Variants in ERICH6B observed in about 807,000 individuals in gnomAD.
The protein encoded by ERICH6B is glutamate rich 6B, also known as glutamate-rich protein 6B.
ERICH6B carries 69 observed loss-of-function variants against 80.0 expected under a neutral mutation model. The observed-to-expected ratio is 0.86, with a 90% CI of 0.71 to 1.05. The LOEUF (loss-of-function observed/expected upper bound fraction) is 1.05. Ranked by LOEUF, ERICH6B falls within the 50% of genes least tolerant of loss-of-function variation. The probability of loss-of-function intolerance (pLI) is 0.00; values close to 1 mark genes in which losing one functional copy is unlikely to be tolerated. For synonymous variants in ERICH6B, 283 were observed against 291.9 expected (o/e 0.97, Z 0.31); for missense variants, 754 against 796.1 (o/e 0.95, Z 0.64).
chr13:45,598,220 A>AT (rs564273854), intron 2 of ERICH6B, among the ~76,000 whole-genome samples: 13 of 151,742 alleles, frequency 8.6e-5, no homozygotes, highest in Non-Finnish European at 1.8e-4. Context: ...TTTTTCTTCC[A>AT]TTAGGTGTAA....
At chr13:45,543,026 G>A (rs1873844127) in intron 14 of ERICH6B, among the ~76,000 whole-genome samples, 1 of 152,162 alleles carries the variant, frequency 6.6e-6, no homozygotes, top group East Asian at 1.9e-4. Context: ...TTCTCCATCT[G>A]CCTCATTCCC....
intron 3 of ERICH6B, among the ~76,000 whole-genome samples, chr13:45,594,606 CA>C (rs1337557789): frequency 6.6e-6 from 1 of 152,102 alleles, no homozygotes; most frequent in African/African-American, 2.4e-5. Context: ...TCCAATGCAA[CA>C]ACTAAATTTC....
At chr13:45,601,832 C>T (rs1170757855) in intron 2 of ERICH6B, among the ~76,000 whole-genome samples, 1 of 152,182 alleles carries the variant, frequency 6.6e-6, no homozygotes, top group African/African-American at 2.4e-5. Flanking sequence ...CTGGGGCAAA[C>T]ATCCTGGCTC....
chr13:45,596,655 C>T lies in ERICH6B; in HGVS notation c.351G>A (p.Gly117=), dbSNP rs377679727. 1.3e-6 allele frequency: 2 copies of T among 1,551,716 alleles called. No individual in the cohort carries two copies. The highest frequency in any genetic ancestry group is 2.4e-5 in the East Asian group (1 of 40,854). The part of the protein sequence containing the change: ...EEYIEEEEYL[G]KEGYLEEEEY... ...CTTCCTCCTCCAGATACCCTTCCTT[C>T]CCCAGATACTCTTCCTCTTCAATAT... The change falls in exon 3 of 15, where the codon GGG becomes GGA. Residue 117 remains glycine (G), a synonymous_variant. Transcript: ENST00000298738.
intron 4 of ERICH6B, among the ~76,000 whole-genome samples, chr13:45,589,256 G>T (rs1449625122): frequency 1.8e-4 from 27 of 152,034 alleles, no homozygotes; most frequent in Admixed American, 1.4e-3. Context: ...CACCAGGAAG[G>T]CCCCCCCAGG....
chr13:45,541,389 G>A lies in ERICH6B; in HGVS notation c.*73C>T, dbSNP rs1873764653. ...CTCATAAAAGGTCAACAGGTCTTTG[G>A]GTTTTTTTTCCCTGGAGCTCCCAAG... On this transcript the variant is annotated 3_prime_UTR_variant, in exon 15 of 15. Transcript: ENST00000298738. 1 of 1,340,630 alleles carries A rather than the reference G, an allele frequency of 7.5e-7. No individual in the cohort carries two copies. Among genetic ancestry groups the A allele is most frequent in the Non-Finnish European group, 1.0e-6 (1 of 971,416 alleles). The allele number at this position is 1,340,630 out of a possible 1,614,324, so 83.0% of individuals were successfully genotyped here. A position where few individuals can be genotyped will look rare whatever the true frequency, so the allele number is the denominator to read the frequency against.
chr13:45,551,439 C>G (rs1169029385), intron 11 of ERICH6B: 1 of 152,118 alleles, frequency 6.6e-6, no homozygotes, highest in Non-Finnish European at 1.5e-5. Context: ...CCTACTCCTC[C>G]TTCACATCCT....
chr13:45,545,239 C>G (rs1040132674), intron 13 of ERICH6B, among the ~76,000 whole-genome samples: 16 of 152,190 alleles, frequency 1.1e-4, no homozygotes, highest in Non-Finnish European at 1.5e-4. Flanking sequence ...TTCCTGCTCA[C>G]AGCTTTGCCA....
At position 45,606,765 on chromosome 13, in the gene ERICH6B, C is replaced by A. The variant is rs557810725; in HGVS notation, c.-59+799G>T. Among the ~76,000 whole-genome samples, 34 of 151,258 alleles carry A rather than the reference C, an allele frequency of 2.2e-4. No homozygotes were observed. The East Asian group carries it at 6.5e-3, about 29-fold the overall frequency. ...GACGGGGTTTCACCATATTGGCCAGCCTGGTCTCGAGCTCCTGACCTCAGG... is the reference window on the plus strand; with the variant it reads ...GACGGGGTTTCACCATATTGGCCAGACTGGTCTCGAGCTCCTGACCTCAGG... On this transcript the variant is annotated intron_variant, in intron 2 of 14. Coordinates refer to ENST00000298738, the MANE Select transcript of ERICH6B (RefSeq NM_182542.3).
At chr13:45,571,758 T>C (rs1011123717) in intron 8 of ERICH6B, among the ~76,000 whole-genome samples, 1 of 152,208 alleles carries the variant, frequency 6.6e-6, no homozygotes, top group African/African-American at 2.4e-5. Context: ...GGGTGGGCTC[T>C]AATCCAGTAT....
intron 3 of ERICH6B, among the ~76,000 whole-genome samples, chr13:45,592,041 T>G (rs913362098): frequency 4.6e-5 from 7 of 152,184 alleles, no homozygotes; most frequent in African/African-American, 1.7e-4. Context: ...AGAGAAAGTT[T>G]GGGAGCCTGT....
chr13:45,552,384 C>A (rs1197714034), intron 11 of ERICH6B, among the ~76,000 whole-genome samples: 1 of 152,078 alleles, frequency 6.6e-6, no homozygotes. Context: ...CAGAAGCTCA[C>A]TCTTCTGGTT....
At chr13:45,592,245 C>T (rs556923683) in intron 3 of ERICH6B, among the ~76,000 whole-genome samples, 9 of 152,346 alleles carry the variant, frequency 5.9e-5, no homozygotes, top group South Asian at 2.1e-4. Context: ...GGACAAGACA[C>T]GTGCAGAAAA....
Position 45,549,949 on chromosome 13 carries a change from C to T in ERICH6B, c.1590G>A (p.Arg530=). ...ILEDSLEGRI[R]ALINNSGNAT... ...CATTGCCTGAGTTGTTGATAAGGGC[C>T]CGGATCCTCCCTTCTAGACTGTCTT... The change falls in exon 13 of 15, where the codon CGG becomes CGA. Residue 530 remains arginine, a synonymous_variant. Transcript: ENST00000298738. The T allele has an allele frequency of 6.4e-7, 1 of 1,551,586 alleles. No homozygotes were observed. The highest frequency in any genetic ancestry group is 8.7e-7 in the Non-Finnish European group (1 of 1,146,978).
intron 1 of ERICH6B, among the ~76,000 whole-genome samples, chr13:45,611,496 CAGTGCAACT>C (rs1213097778): frequency 1.3e-5 from 2 of 152,198 alleles, no homozygotes; most frequent in Non-Finnish European, 2.9e-5. Flanking sequence ...GAGGGAAGCA[CAGTGCAACT>C]AATGCAAAGA....
At chr13:45,565,068 A>T (rs1272256210) in intron 9 of ERICH6B, among the ~76,000 whole-genome samples, 1 of 152,236 alleles carries the variant, frequency 6.6e-6, no homozygotes, top group Non-Finnish European at 1.5e-5. Flanking sequence ...GATACTGTCT[A>T]AATGGGAAGA....
chr13:45,614,545 A>T (rs1266385756), intron 1 of ERICH6B, among the ~76,000 whole-genome samples: 2 of 152,266 alleles, frequency 1.3e-5, no homozygotes, highest in South Asian at 4.1e-4. Context: ...CCCTCCTGCT[A>T]TGGGGGAAAC....
In ERICH6B at chr13:45,586,970, C is replaced by A. The variant is rs1306784995; in HGVS notation, c.856+93G>T. The A allele has an allele frequency of 4.5e-6, 6 of 1,333,700 alleles. No homozygotes were observed. The African/African-American group carries it at 8.9e-5, about 20-fold the overall frequency. 82.6% of individuals were successfully genotyped at this position (1,333,700 alleles called of 1,614,324 possible). The stretch of plus-strand genomic sequence containing the variant: ...GATATCATTAGCATGAAAGGCAATA[C>A]TCGAGCCACAATATTTCACATGCAC... On this transcript the variant is annotated intron_variant, in intron 5 of 14. Transcript: ENST00000298738.
intron 11 of ERICH6B, 46 bp from the exon 12 acceptor site, chr13:45,550,362 G>A (rs1173143456): frequency 6.8e-7 from 1 of 1,472,634 alleles, no homozygotes; most frequent in East Asian, 2.5e-5. Context: ...AAGTACATGG[G>A]TACCAACTGT....
Sources: gnomAD v4.1 joint callset for allele counts (sites outside exome capture counted in the v4.1 genomes callset) on GRCh38, gnomAD v4.1.1 for gene constraint, MANE v1.5 for transcripts, NCBI Gene and HGNC (gene_info 2026-07-23, HGNC 2026-07-21) for gene names.